The following RBFOX1 variants were observed in gnomAD, a reference collection of about 807,000 sequenced individuals.
RBFOX1 encodes the protein RNA binding protein fox-1 homolog 1.
Under a neutral mutation model 57.7 loss-of-function variants are expected in RBFOX1, and 8 were observed. The ratio of observed to expected loss-of-function variants is 0.14; its 90% confidence interval spans 0.08 to 0.25. The LOEUF (loss-of-function observed/expected upper bound fraction) is 0.25. Ranked by LOEUF, RBFOX1 falls within the 10% of genes least tolerant of loss-of-function variation. The probability of loss-of-function intolerance (pLI) is 1.00; values close to 1 mark genes in which losing one functional copy is unlikely to be tolerated. For synonymous variants in RBFOX1, 326 were observed against 222.4 expected, an observed-to-expected ratio of 1.47 and a Z score of -4.15; for missense variants, 611 against 548.5, an observed-to-expected ratio of 1.11 and a Z score of -1.14.
chr16:7,190,100 C>T (rs904033975), intron 4 of RBFOX1, among the ~76,000 whole-genome samples: 1 of 152,238 alleles, frequency 6.6e-6, no homozygotes, highest in Non-Finnish European at 1.5e-5. Flanking sequence ...GTGGCTCACT[C>T]CTGTAATCCC....
intron 4 of RBFOX1, among the ~76,000 whole-genome samples, chr16:7,241,076 G>A (rs572264273): frequency 1.3e-5 from 2 of 152,078 alleles, no homozygotes; most frequent in African/African-American, 2.4e-5. Flanking sequence ...TTTATTTAGC[G>A]CAGTTTTTAG....
At chr16:7,342,854 C>T (rs866915727) in intron 4 of RBFOX1, among the ~76,000 whole-genome samples, 2 of 152,192 alleles carry the variant, frequency 1.3e-5, no homozygotes, top group African/African-American at 4.8e-5. Context: ...AAGTCCCAGC[C>T]TCTGTCCTCA....
intron 4 of RBFOX1, among the ~76,000 whole-genome samples, chr16:7,413,989 C>A (rs537858047): frequency 6.6e-6 from 1 of 152,294 alleles, no homozygotes; most frequent in African/African-American, 2.4e-5. Flanking sequence ...ATGTTGGTGA[C>A]TATCATCACC....
At chr16:6,933,308 C>G (rs1431413502) in intron 3 of RBFOX1, among the ~76,000 whole-genome samples, 2 of 152,158 alleles carry the variant, frequency 1.3e-5, no homozygotes, top group East Asian at 1.9e-4. Flanking sequence ...TTTTTAGTAA[C>G]CGACATACTC....
chr16:6,796,906 AC>A (rs2084193721), intron 3 of RBFOX1, among the ~76,000 whole-genome samples: 1 of 151,948 alleles, frequency 6.6e-6, no homozygotes, highest in African/African-American at 2.4e-5. Flanking sequence ...CTATGTCTCC[AC>A]CCCCTTTCTT....
intron 1 of RBFOX1, among the ~76,000 whole-genome samples, chr16:6,112,305 C>G (rs1002796057): frequency 3.9e-5 from 6 of 152,166 alleles, no homozygotes; most frequent in African/African-American, 1.4e-4. Context: ...AATGGTCCTT[C>G]AAATGTTTAT....
At chr16:5,436,200 C>G (rs2067913102) in intron 1 of RBFOX1, among the ~76,000 whole-genome samples, 1 of 152,172 alleles carries the variant, frequency 6.6e-6, no homozygotes, top group Non-Finnish European at 1.5e-5. Flanking sequence ...TGATCCCTGC[C>G]TAGGAGGCCT....
chr16:6,304,067 C>T (rs1180282117), intron 1 of RBFOX1, among the ~76,000 whole-genome samples: 1 of 151,726 alleles, frequency 6.6e-6, no homozygotes, highest in African/African-American at 2.4e-5. Flanking sequence ...GCCTGGGCCT[C>T]CCAAAGTGCT....
chr16:7,334,208 A>G (rs1460669329), intron 4 of RBFOX1, among the ~76,000 whole-genome samples: 1 of 152,142 alleles, frequency 6.6e-6, no homozygotes, highest in Non-Finnish European at 1.5e-5. Flanking sequence ...CCAAGTCACA[A>G]CAAAACATTC....
At chr16:6,938,673 A>T (rs957099438) in intron 3 of RBFOX1, among the ~76,000 whole-genome samples, 1 of 152,130 alleles carries the variant, frequency 6.6e-6, no homozygotes, top group African/African-American at 2.4e-5. Context: ...TTTTGGTAGA[A>T]TTGGGGCTTT....
chr16:7,418,524 G>A (rs1208906110), intron 4 of RBFOX1, among the ~76,000 whole-genome samples: 1 of 152,192 alleles, frequency 6.6e-6, no homozygotes, highest in Non-Finnish European at 1.5e-5. Flanking sequence ...TTTTCCTGAT[G>A]GCTTATCTGA....
At chr16:7,700,423 T>TA (rs1317771525) in intron 14 of RBFOX1, among the ~76,000 whole-genome samples, 1 of 151,984 alleles carries the variant, frequency 6.6e-6, no homozygotes, top group African/African-American at 2.4e-5. Context: ...CAGTCAGTGT[T>TA]TGACTCTAGA....
At chr16:6,398,094 C>T (rs535742152) in intron 2 of RBFOX1, among the ~76,000 whole-genome samples, 2 of 152,224 alleles carry the variant, frequency 1.3e-5, no homozygotes, top group Admixed American at 6.5e-5. Flanking sequence ...TCCTTCTTCA[C>T]GTGGTAGCAG....
At position 6,744,001 on chromosome 16, in the gene RBFOX1, C is replaced by T. The variant is rs985607231; in HGVS notation, c.-16+89351C>T. On this transcript the variant is annotated intron_variant, in intron 3 of 15. Transcript: ENST00000550418. ...CAATATATAAAGCAAGTGGTGTGTT[C>T]GCATGTTTAAATAAAGTGTATTTCT... 7.3e-5 allele frequency among the ~76,000 whole-genome samples: 11 copies of T among 151,396 alleles called. 1 individual carries two copies. The South Asian group carries it at 1.0e-3, about 14-fold the overall frequency.
At chr16:5,530,300 C>T (rs2044415802) in intron 2 of RBFOX1, among the ~76,000 whole-genome samples, 1 of 152,160 alleles carries the variant, frequency 6.6e-6, no homozygotes, top group Admixed American at 6.5e-5. Flanking sequence ...TTGTGCCTGG[C>T]CTTTCTCTCA....
chr16:6,181,311 A>C (rs2097060535), intron 1 of RBFOX1, among the ~76,000 whole-genome samples: 1 of 152,190 alleles, frequency 6.6e-6, no homozygotes, highest in African/African-American at 2.4e-5. Flanking sequence ...CCTTTGTGTT[A>C]ACTAGGGATG....
chr16:5,669,115 T>C (rs2049938798), intron 3 of RBFOX1, among the ~76,000 whole-genome samples: 1 of 152,170 alleles, frequency 6.6e-6, no homozygotes, highest in Non-Finnish European at 1.5e-5. Context: ...AGACCCAAAA[T>C]GTAATCTCAT....
At chr16:6,821,320 A>G (rs2091260419) in intron 3 of RBFOX1, among the ~76,000 whole-genome samples, 1 of 152,188 alleles carries the variant, frequency 6.6e-6, no homozygotes, top group Non-Finnish European at 1.5e-5. Flanking sequence ...AAGTTTTGCT[A>G]CCTGACATGT....
intron 3 of RBFOX1, among the ~76,000 whole-genome samples, chr16:6,749,868 C>T (rs1603524194): frequency 6.6e-6 from 1 of 152,284 alleles, no homozygotes; most frequent in Admixed American, 6.5e-5. Context: ...CAGCAGGAAA[C>T]ACATTTCTGA....
Sources: allele counts gnomAD v4.1 joint callset (sites outside exome capture counted in the v4.1 genomes callset), GRCh38; gene constraint gnomAD v4.1.1; transcripts MANE v1.5; gene names NCBI Gene and HGNC (gene_info 2026-07-23, HGNC 2026-07-21).